The following FAM124A variants were observed in gnomAD, a reference collection of about 807,000 sequenced individuals.
FAM124A encodes the protein family with sequence similarity 124 member A, also known as protein FAM124A.
A neutral mutation model predicts 24.5 loss-of-function variants in FAM124A; 23 were observed. That is an observed-to-expected ratio of 0.94 (90% CI 0.68 to 1.33). The LOEUF is 1.33. Ranked by LOEUF, FAM124A falls within the 40% of genes most tolerant of loss-of-function variation. The pLI, the probability that FAM124A is intolerant of heterozygous loss-of-function variation, is 0.00. For synonymous variants in FAM124A, 287 were observed against 314.7 expected (o/e 0.91, Z 0.93); for missense variants, 623 against 722.8 (o/e 0.86, Z 1.58).
At chr13:51,235,005 G>A (rs1014350630) in intron 2 of FAM124A, among the ~76,000 whole-genome samples, 8 of 152,160 alleles carry the variant, frequency 5.3e-5, no homozygotes, top group Non-Finnish European at 1.2e-4. Context: ...ACTGCACTTC[G>A]CTGACTTGTC....
Position 51,270,725 on chromosome 13 carries a change from T to C in FAM124A, c.835-9725T>C, listed in dbSNP as rs140579267. Among the ~76,000 whole-genome samples, 448 of 152,358 alleles carry C rather than the reference T, an allele frequency of 2.9e-3. 7 individuals carry two copies. Among genetic ancestry groups the C allele is most frequent in the Non-Finnish European group, 6.6e-4 (45 of 68,018 alleles). ...TATAGTTACTGTTTAGAATCTACAA[T>C]GGCCATGACGTCCATGTATTCTGAG... On this transcript the variant is annotated intron_variant, in intron 3 of 3. Transcript: ENST00000322475.
At chr13:51,241,498 T>C (rs911700120) in intron 2 of FAM124A, among the ~76,000 whole-genome samples, 6 of 152,114 alleles carry the variant, frequency 3.9e-5, no homozygotes, top group African/African-American at 1.4e-4. Context: ...AACTGGGAGT[T>C]GGGAGATGTT....
At chr13:51,242,253 A>C (rs950185671) in intron 2 of FAM124A, among the ~76,000 whole-genome samples, 4 of 151,904 alleles carry the variant, frequency 2.6e-5, no homozygotes, top group Admixed American at 6.6e-5. Context: ...TGACAAGCAC[A>C]TAATGTGGTT....
At position 51,247,242 on chromosome 13, in the gene FAM124A, G is replaced by C. The variant is rs532549644; in HGVS notation, c.101-4226G>C. On this transcript the variant is annotated intron_variant, in intron 2 of 3. Coordinates refer to ENST00000322475, the MANE Select transcript of FAM124A (RefSeq NM_001242312.2). ...ATGGAGAATGGCAGCTGGCCACTCTGCTGTGAAAGGGATACAGTGGAGAGG... is the reference window on the plus strand; with the variant it reads ...ATGGAGAATGGCAGCTGGCCACTCTCCTGTGAAAGGGATACAGTGGAGAGG... Among the ~76,000 whole-genome samples the C allele has an allele frequency of 1.4e-3, 207 of 152,234 alleles. 2 individuals are homozygous for C. The highest frequency in any genetic ancestry group is 2.2e-3 in the Non-Finnish European group (150 of 68,036).
At position 51,263,429 on chromosome 13, in the gene FAM124A, A is replaced by G. The variant is rs1486996890; in HGVS notation, c.834+11228A>G. Among the ~76,000 whole-genome samples the G allele has an allele frequency of 2.0e-5, 3 of 152,222 alleles. No homozygotes were observed. The East Asian group carries it at 5.8e-4, about 29-fold the overall frequency. On this transcript the variant is annotated intron_variant, in intron 3 of 3. Coordinates refer to ENST00000322475, the MANE Select transcript of FAM124A (RefSeq NM_001242312.2). ...CCTGCGTCCTCACCCTTCCAGGGAC[A>G]AGAGCATTCCACAGCCCTGGCTGGA...
chr13:51,237,131 T>C (rs1954442518), intron 2 of FAM124A, among the ~76,000 whole-genome samples: 1 of 152,212 alleles, frequency 6.6e-6, no homozygotes, highest in Non-Finnish European at 1.5e-5. Flanking sequence ...TAAATTAGAA[T>C]GTAGTCTCTT....
At chr13:51,224,432 T>C (rs765726879) in intron 1 of FAM124A, among the ~76,000 whole-genome samples, 3 of 151,972 alleles carry the variant, frequency 2.0e-5, no homozygotes, top group Non-Finnish European at 4.4e-5. Context: ...GATCACGCCA[T>C]TGCACTCCAG....
intron 1 of FAM124A, among the ~76,000 whole-genome samples, chr13:51,227,768 C>T (rs993291353): frequency 3.9e-5 from 6 of 152,218 alleles, no homozygotes; most frequent in Admixed American, 3.9e-4. Flanking sequence ...CATTAATGAA[C>T]TTCCACTTCC....
intron 1 of FAM124A, chr13:51,227,124 T>C (rs1452435612): frequency 1.3e-5 from 2 of 152,264 alleles, no homozygotes; most frequent in African/African-American, 4.8e-5. Context: ...CAAGACCATA[T>C]GTTTTTCAAA....
intron 1 of FAM124A, among the ~76,000 whole-genome samples, chr13:51,230,075 T>TTATATA (rs5803560): frequency 6.6e-6 from 1 of 151,016 alleles, no homozygotes; most frequent in African/African-American, 2.4e-5. Flanking sequence ...AAATATTGAA[T>TTATATA]TATATATATA....
rs1225231303 is a variant in FAM124A at position 51,251,628 on chromosome 13, C to CCGG, written c.271_273dup (p.Arg91dup). On this transcript the variant is annotated inframe_insertion, in exon 3 of 4. Coordinates refer to ENST00000322475, the MANE Select transcript of FAM124A (RefSeq NM_001242312.2). This position sits in a 1 kb window ranked among gnomAD's most constrained non-coding sequence, Gnocchi z 5.3. ...TCCGGGTGTCCGAGAGGCGGGCGTC[C>CCGG]CGGCGGCGGCGGAAGCCCCCCAAGG... The CCGG allele has an allele frequency of 1.3e-6, 2 of 1,560,484 alleles. No homozygotes were observed. Among genetic ancestry groups the CCGG allele is most frequent in the Non-Finnish European group, 1.7e-6 (2 of 1,151,018 alleles).
At chr13:51,269,065 T>G (rs1321451185) in intron 3 of FAM124A, among the ~76,000 whole-genome samples, 6 of 152,222 alleles carry the variant, frequency 3.9e-5, no homozygotes, top group African/African-American at 9.6e-5. Context: ...ACAGCTCTTT[T>G]CAGTTCTGAA....
chr13:51,280,678 T>C lies in FAM124A; in HGVS notation c.1063T>C (p.Trp355Arg). Residue 355 changes from tryptophan to arginine, a missense_variant, in exon 4 of 4, where the codon TGG (tryptophan) becomes CGG (arginine). Trp to Arg is a moderately radical substitution (Grantham distance 101). Coordinates refer to ENST00000322475, the MANE Select transcript of FAM124A (RefSeq NM_001242312.2). Reference sequence around the variant, plus strand: ...AGCCAACAGCACCCCCAACCCTCCCTGGTCTTTCCAGAGAAGCAAGTCCTT... The same window carrying C: ...AGCCAACAGCACCCCCAACCCTCCCCGGTCTTTCCAGAGAAGCAAGTCCTT... ...GRANSTPNPP[W>R]SFQRSKSLFC... is the part of the protein sequence containing the mutation. 3.1e-6 allele frequency: 5 copies of C among 1,614,116 alleles called. No homozygotes were observed. Among genetic ancestry groups the C allele is most frequent in the Non-Finnish European group, 4.2e-6 (5 of 1,180,032 alleles).
intron 2 of FAM124A, chr13:51,245,350 C>T (rs1215589732): frequency 2.9e-6 from 2 of 698,302 alleles, no homozygotes; most frequent in Non-Finnish European, 5.3e-6. Flanking sequence ...TTGCCTGTTC[C>T]TTTACTGTAC....
chr13:51,275,595 A>G (rs1028047090), intron 3 of FAM124A, among the ~76,000 whole-genome samples: 2 of 150,744 alleles, frequency 1.3e-5, no homozygotes, highest in Non-Finnish European at 3.0e-5. Context: ...TCTAAAAGCA[A>G]TGCCTAAATA....
At chr13:51,248,765 G>A (rs1178914906) in intron 2 of FAM124A, among the ~76,000 whole-genome samples, 1 of 152,144 alleles carries the variant, frequency 6.6e-6, no homozygotes, top group Non-Finnish European at 1.5e-5. Context: ...TCAAAGGGTG[G>A]GGAAATACGC....
At chr13:51,277,279 G>T (rs897719095) in intron 3 of FAM124A, among the ~76,000 whole-genome samples, 2 of 142,962 alleles carry the variant, frequency 1.4e-5, no homozygotes, top group African/African-American at 5.2e-5. Flanking sequence ...TAAACAATGG[G>T]TACACATGGA....
chr13:51,272,566 TACAC>T lies in FAM124A; in HGVS notation c.835-7859_835-7856del, dbSNP rs3138586. 1.1e-4 allele frequency among the ~76,000 whole-genome samples: 16 copies of T among 148,896 alleles called. No individual in the cohort carries two copies. The highest frequency in any genetic ancestry group is 1.9e-4 in the Non-Finnish European group (13 of 67,300). On this transcript the variant is annotated intron_variant, in intron 3 of 3. Transcript: ENST00000322475. The surrounding 1 kb of genome is among the most constrained non-coding windows in gnomAD (Gnocchi z 4.2). Reference sequence around the variant, plus strand: ...ACCTATTTTTGTAAATAAAGCCTTATACACACACACACACACACACACACACACC... The same window carrying T: ...ACCTATTTTTGTAAATAAAGCCTTATACACACACACACACACACACACACC...
chr13:51,229,848 G>A (rs1296839705), intron 1 of FAM124A, among the ~76,000 whole-genome samples: 1 of 152,076 alleles, frequency 6.6e-6, no homozygotes, highest in East Asian at 1.9e-4. Context: ...ACCAGTACTG[G>A]GTTACAAATC....
Sources: allele counts gnomAD v4.1 joint callset (sites outside exome capture counted in the v4.1 genomes callset), GRCh38; gene constraint gnomAD v4.1.1; non-coding constraint Gnocchi (gnomAD v3.1); transcripts MANE v1.5; gene names NCBI Gene and HGNC (gene_info 2026-07-23, HGNC 2026-07-21).